Variants in NTM observed in about 807,000 individuals in gnomAD.
NTM encodes IgLON family member 2.
In NTM, 13 loss-of-function variants were observed where a neutral mutation model predicts 42.1. The observed-to-expected ratio is 0.31, with a 90% CI of 0.20 to 0.49. The LOEUF is 0.49. Among genes scored for constraint, NTM ranks in the 20% least tolerant of loss-of-function variants. The pLI is 0.99. For synonymous variants in NTM, 187 were observed against 179.2 expected (o/e 1.04, Z -0.35); for missense variants, 373 against 452.8 (o/e 0.82, Z 1.60).
intron 1 of NTM, among the ~76,000 whole-genome samples, chr11:131,859,353 G>A (rs192614476): frequency 6.6e-6 from 1 of 152,328 alleles, no homozygotes; most frequent in Admixed American, 6.5e-5. Flanking sequence ...CTGAAAATCT[G>A]GAGCTAATAA....
chr11:131,551,245 T>C (rs959974069), intron 1 of NTM, among the ~76,000 whole-genome samples: 2 of 152,150 alleles, frequency 1.3e-5, no homozygotes, highest in Non-Finnish European at 2.9e-5. Context: ...CAAGGTGACC[T>C]TTAGAGAGCA....
intron 2 of NTM, among the ~76,000 whole-genome samples, chr11:132,068,445 T>C (rs903831658): frequency 6.6e-6 from 1 of 152,174 alleles, no homozygotes; most frequent in Non-Finnish European, 1.5e-5. Context: ...ATTGCCTTTC[T>C]TCTAGTTTCC....
chr11:132,060,871 T>G (rs537762981), intron 2 of NTM, among the ~76,000 whole-genome samples: 1 of 152,382 alleles, frequency 6.6e-6, no homozygotes, highest in African/African-American at 2.4e-5. Context: ...CAAATGATTG[T>G]GATTTTTATT....
intron 1 of NTM, among the ~76,000 whole-genome samples, chr11:131,826,457 A>T (rs1223710549): frequency 2.0e-5 from 3 of 152,088 alleles, no homozygotes; most frequent in Non-Finnish European, 4.4e-5. Flanking sequence ...ACTCTGAAGC[A>T]GATGTCAGAG....
chr11:132,112,692 A>G (rs1184487141), intron 2 of NTM, among the ~76,000 whole-genome samples: 27 of 149,218 alleles, frequency 1.8e-4, no homozygotes, highest in Admixed American at 1.7e-3. Flanking sequence ...TTTTGGTCTA[A>G]CACACATTTT....
intron 2 of NTM, among the ~76,000 whole-genome samples, chr11:132,142,456 C>T (rs979931499): frequency 1.3e-5 from 2 of 152,220 alleles, no homozygotes; most frequent in Non-Finnish European, 2.9e-5. Context: ...CCAGAGCCTT[C>T]TCTGTGGCTG....
chr11:132,211,431 G>T (rs914791353), intron 3 of NTM, among the ~76,000 whole-genome samples: 5 of 152,170 alleles, frequency 3.3e-5, no homozygotes, highest in African/African-American at 1.2e-4. Flanking sequence ...ATGGCTGGGA[G>T]TTGCCCAGGA....
intron 1 of NTM, among the ~76,000 whole-genome samples, chr11:131,871,600 T>C (rs1273102190): frequency 6.6e-6 from 1 of 152,232 alleles, no homozygotes; most frequent in East Asian, 1.9e-4. Context: ...TCTATAAGCT[T>C]ACACAAATAG....
intron 1 of NTM, among the ~76,000 whole-genome samples, chr11:131,454,227 C>A (rs928601092): frequency 6.6e-6 from 1 of 152,114 alleles, no homozygotes; most frequent in Admixed American, 6.5e-5. Context: ...TGTTGTTAAT[C>A]TCTTACTATG....
chr11:132,260,729 G>A (rs2092795536), intron 4 of NTM, among the ~76,000 whole-genome samples: 1 of 152,174 alleles, frequency 6.6e-6, no homozygotes, highest in African/African-American at 2.4e-5. Flanking sequence ...TCAAAAGAGG[G>A]TCACCAGATG....
intron 2 of NTM, among the ~76,000 whole-genome samples, chr11:132,131,078 A>G (rs1385881356): frequency 1.3e-5 from 2 of 152,224 alleles, no homozygotes; most frequent in African/African-American, 2.4e-5. Context: ...ATTAACAAAA[A>G]CATTGTCATG....
intron 1 of NTM, among the ~76,000 whole-genome samples, chr11:131,789,639 GAAGAAGAAGAAGAAGAAGAAGAAGAAGA>G (rs2090500364): frequency 9.1e-6 from 1 of 109,682 alleles, no homozygotes; most frequent in African/African-American, 3.7e-5. Context: ...AAGAAGAAAA[GAAGAAGAAGAAGAAGAAGAAGAAGAAGA>G]AAGCATGGGC....
intron 1 of NTM, among the ~76,000 whole-genome samples, chr11:131,453,529 A>G (rs1950639317): frequency 1.5e-5 from 2 of 134,344 alleles, no homozygotes; most frequent in African/African-American, 6.0e-5. Context: ...AGTACAACGG[A>G]AAGACTTTCA....
At chr11:131,491,016 C>T (rs761073422) in intron 1 of NTM, among the ~76,000 whole-genome samples, 5 of 152,152 alleles carry the variant, frequency 3.3e-5, no homozygotes, top group Non-Finnish European at 7.3e-5. Context: ...ACAATAAGAA[C>T]ATGTCTCATG....
At chr11:132,141,600 T>C (rs2069165895) in intron 2 of NTM, among the ~76,000 whole-genome samples, 1 of 152,134 alleles carries the variant, frequency 6.6e-6, no homozygotes, top group Admixed American at 6.5e-5. Context: ...CTGGATCCTC[T>C]TTTGGCCAAA....
intron 1 of NTM, among the ~76,000 whole-genome samples, chr11:131,688,209 C>T (rs894020943): frequency 6.6e-6 from 1 of 152,290 alleles, no homozygotes; most frequent in East Asian, 1.9e-4. Context: ...CTGCCTCCAC[C>T]GAGCTGGAGA....
chr11:132,023,778 TTGTTGGTGGTTTTGTTGTTGG>T (rs781614902), intron 2 of NTM, among the ~76,000 whole-genome samples: 13 of 95,528 alleles, frequency 1.4e-4, no homozygotes, highest in East Asian at 8.6e-4. Context: ...GGTTTTGTTG[TTGTTGGTGGTTTTGTTGTTGG>T]TGGTGGTGGT....
chr11:131,437,272 T>C (rs546077727), intron 1 of NTM, among the ~76,000 whole-genome samples: 2 of 152,278 alleles, frequency 1.3e-5, no homozygotes, highest in East Asian at 3.9e-4. Context: ...TGATTTGGGG[T>C]GGAGAGTTCT....
intron 1 of NTM, among the ~76,000 whole-genome samples, chr11:131,649,690 G>A (rs1042472114): frequency 2.0e-5 from 3 of 152,172 alleles, no homozygotes; most frequent in Admixed American, 6.5e-5. Flanking sequence ...GGTGCATGTA[G>A]TTTAAGCCTT....
Sources: gnomAD v4.1 joint callset for allele counts (sites outside exome capture counted in the v4.1 genomes callset) on GRCh38, gnomAD v4.1.1 for gene constraint, MANE v1.5 for transcripts, NCBI Gene and HGNC (gene_info 2026-07-23, HGNC 2026-07-21) for gene names.